CPD: variants seen among roughly 807,000 people sequenced by gnomAD.
CPD encodes carboxypeptidase D.
A neutral mutation model predicts 138.3 loss-of-function variants in CPD; 69 were observed. The observed-to-expected ratio is 0.50, with a 90% CI of 0.41 to 0.61. The LOEUF is 0.61. Ranked by LOEUF, CPD falls within the 20% of genes least tolerant of loss-of-function variation. The pLI, the probability that CPD is intolerant of heterozygous loss-of-function variation, is 0.00. For synonymous variants in CPD, 651 were observed against 642.1 expected, an observed-to-expected ratio of 1.01 and a Z score of -0.21; for missense variants, 1,432 against 1,733.3, an observed-to-expected ratio of 0.83 and a Z score of 3.09.
At chr17:30,462,258 T>C in intron 19 of CPD, 112 bp from the exon 20 acceptor site, 1 of 1,059,116 alleles carries the variant, frequency 9.4e-7, no homozygotes, top group Non-Finnish European at 1.4e-6. Flanking sequence ...TTGTATACTT[T>C]AGATGGCAAT....
chr17:30,399,282 T>C (rs1911589372), intron 2 of CPD, among the ~76,000 whole-genome samples: 1 of 152,148 alleles, frequency 6.6e-6, no homozygotes, highest in African/African-American at 2.4e-5. Flanking sequence ...AAAGCATGTG[T>C]ATTCTGCCAT....
At chr17:30,457,670 T>G (rs2143503356) in intron 17 of CPD, among the ~76,000 whole-genome samples, 1 of 152,212 alleles carries the variant, frequency 6.6e-6, no homozygotes, top group East Asian at 1.9e-4. Context: ...TGCTGGTTTT[T>G]TTTTTTTTAA....
In CPD at chr17:30,420,938, G is replaced by A. The variant is rs777395573; in HGVS notation, c.1092G>A (p.Gln364=). The change falls in exon 3 of 21, where the codon CAG becomes CAA. Residue 364 remains glutamine (Q), a synonymous_variant. Transcript: ENST00000225719. ...CKYPPASQLR[Q]EWENNRESLI... Reference sequence around the variant, plus strand: ...ACCCACCTGCTTCACAGCTTCGACAGGAATGGGAGAACAATCGTGAGTCTT... The same window carrying A: ...ACCCACCTGCTTCACAGCTTCGACAAGAATGGGAGAACAATCGTGAGTCTT... 6.2e-7 allele frequency: 1 copy of A among 1,613,864 alleles called. No individual in the cohort carries two copies. Among genetic ancestry groups the A allele is most frequent in the South Asian group, 1.1e-5 (1 of 91,072 alleles).
rs933550442 is a variant in CPD, at chr17:30,425,782, A to G, written c.1850-1609A>G. On this transcript the variant is annotated intron_variant, in intron 6 of 20. Transcript: ENST00000225719. ...GCTTTAATATAATTTGTCTAATTGG[A>G]ATATTTTTCCTCCCAGATTATGAGC... Among the ~76,000 whole-genome samples the G allele has an allele frequency of 5.9e-5, 9 of 152,286 alleles. No individual in the cohort carries two copies. In the East Asian group the frequency reaches 1.7e-3, roughly 29 times the overall value.
At chr17:30,447,079 T>C (rs1221455344) in intron 12 of CPD, among the ~76,000 whole-genome samples, 4 of 152,214 alleles carry the variant, frequency 2.6e-5, no homozygotes, top group Admixed American at 2.6e-4. Context: ...ATATTAGCCC[T>C]TTGTCAGATG....
At chr17:30,433,221 G>T (rs945384570) in intron 8 of CPD, among the ~76,000 whole-genome samples, 26 of 152,042 alleles carry the variant, frequency 1.7e-4, no homozygotes, top group Non-Finnish European at 1.2e-4. Flanking sequence ...TTTCTGTTTG[G>T]ACATATATGT....
intron 7 of CPD, 103 bp downstream of exon 7, chr17:30,427,661 A>G (rs1384444014): frequency 5.0e-6 from 5 of 995,040 alleles, no homozygotes; most frequent in Non-Finnish European, 7.6e-6. Context: ...TAAAATGAGT[A>G]TCCTGTTACT....
At chr17:30,456,192 G>T in intron 15 of CPD, 64 bp from the exon 16 acceptor site, 1 of 1,316,006 alleles carries the variant, frequency 7.6e-7, no homozygotes, top group Non-Finnish European at 1.1e-6. Flanking sequence ...ATCCATGAAG[G>T]TTAACTTGGG....
chr17:30,385,278 G>A lies in CPD; in HGVS notation c.994+42G>A, dbSNP rs540077484. The A allele has an allele frequency of 2.7e-5, 43 of 1,605,102 alleles. No homozygotes were observed. The East Asian group carries it at 4.5e-4, about 17-fold the overall frequency. On this transcript the variant is annotated intron_variant, in intron 2 of 20. Coordinates refer to ENST00000225719, the MANE Select transcript of CPD (RefSeq NM_001304.5). Reference sequence around the variant, plus strand: ...GTTTGCTACATTTTCCCCCTTGTTCGTTGAATTTTGTTATGTGTATTCTGA... The same window carrying A: ...GTTTGCTACATTTTCCCCCTTGTTCATTGAATTTTGTTATGTGTATTCTGA...
chr17:30,464,733 C>T lies in CPD; in HGVS notation c.4062C>T (p.Gly1354=). 2.5e-6 allele frequency: 4 copies of T among 1,614,010 alleles called. No individual in the cohort carries two copies. The highest frequency in any genetic ancestry group is 1.6e-4 in the Middle Eastern group (1 of 6,062). The change falls in exon 21 of 21, where the codon GGC becomes GGT. Residue 1354 remains glycine (G), a synonymous_variant. Transcript: ENST00000225719. ...ATGAAATTCGCATGATGTCTACCGG[C>T]TCCAAGAAGTCCCTCCTAAGCCATG... ...YEDEIRMMST[G]SKKSLLSHEF... is the part of the protein sequence containing the mutation.
At position 30,385,230 on chromosome 17, in the gene CPD, G is replaced by T. The variant is rs777128176; in HGVS notation, c.988G>T (p.Val330Leu). ...GITNGAHWYD[V>L]EGGMQDYNYV... ...CACAAACGGCGCACATTGGTATGAT[G>T]TGGAAGGTATGCAAAGCATTGAGTT... The change falls in exon 2 of 21, where the codon GTG becomes TTG. Residue 330 changes from valine (V) to leucine (L), a missense_variant. Coordinates refer to ENST00000225719, the MANE Select transcript of CPD (RefSeq NM_001304.5). 1 of 1,613,992 alleles carries T rather than the reference G, an allele frequency of 6.2e-7. No homozygotes were observed.
Position 30,379,102 on chromosome 17 carries a change from C to T in CPD, c.122C>T (p.Thr41Ile), listed in dbSNP as rs534156300. 18 of 1,552,420 alleles carry T rather than the reference C, an allele frequency of 1.2e-5. 1 individual carries two copies. The South Asian group carries it at 1.9e-4, about 16-fold the overall frequency. ...CACATCAAGAAGGCGGAGGCGACTA[C>T]CACAACTACGAGCGCGGGCGCCGAG... ...AAHIKKAEAT[T>I]TTTSAGAEAA... is the part of the protein sequence containing the mutation. Residue 41 changes from threonine to isoleucine, a missense_variant, in exon 1 of 21, where the codon ACC (threonine) becomes ATC (isoleucine). By Grantham distance (89) the Thr-to-Ile change is moderately conservative. Transcript: ENST00000225719. The surrounding 1 kb of genome is among the most constrained non-coding windows in gnomAD (Gnocchi z 7.0).
chr17:30,427,590 C>G (rs369989477), intron 7 of CPD, 32 bp downstream of exon 7: 1 of 1,585,724 alleles, frequency 6.3e-7, no homozygotes, highest in Non-Finnish European at 8.6e-7. Flanking sequence ...CTAATCAGTT[C>G]TTGTTGAGAG....
chr17:30,401,438 T>C (rs1911667481), intron 2 of CPD, among the ~76,000 whole-genome samples: 4 of 150,984 alleles, frequency 2.6e-5, no homozygotes, highest in South Asian at 2.1e-4. Flanking sequence ...CCTCTTCTTC[T>C]TCCTCATCTT....
chr17:30,379,331 C>T lies in CPD; in HGVS notation c.351C>T (p.Ala117=). The part of the protein sequence containing the change: ...IPEGDAGPDA[A]GPDAAGPLLP... ...AGGGCGACGCGGGGCCTGACGCTGC[C>T]GGGCCCGACGCTGCGGGGCCGCTGC... Residue 117 remains alanine, a synonymous_variant, in exon 1 of 21, where the codon GCC becomes GCT. Transcript: ENST00000225719. This position sits in a 1 kb window ranked among gnomAD's most constrained non-coding sequence, Gnocchi z 7.0. 1.3e-6 allele frequency: 2 copies of T among 1,489,634 alleles called. No homozygotes were observed. The highest frequency in any genetic ancestry group is 8.9e-7 in the Non-Finnish European group (1 of 1,127,748). 92.3% of individuals were successfully genotyped at this position (1,489,634 alleles called of 1,614,324 possible). A position where few individuals can be genotyped will look rare whatever the true frequency, so the allele number is the denominator to read the frequency against.
rs1384921563 is a variant in CPD at position 30,431,800 on chromosome 17, T to C, written c.2046T>C (p.Asp682=). 1.2e-6 allele frequency: 2 copies of C among 1,612,754 alleles called. No individual in the cohort carries two copies. Among genetic ancestry groups the C allele is most frequent in the Non-Finnish European group, 1.7e-6 (2 of 1,179,306 alleles). Reference sequence around the variant, plus strand: ...CTTTGGTGGTTAACTACCCTTTTGATGATGATGAACAAGGACTTGCCACAT... The same window carrying C: ...CTTTGGTGGTTAACTACCCTTTTGACGATGATGAACAAGGACTTGCCACAT... The part of the protein sequence containing the change: ...GGSLVVNYPF[D]DDEQGLATYS... The change falls in exon 8 of 21, where the codon GAT becomes GAC. Residue 682 remains aspartate, a synonymous_variant. Transcript: ENST00000225719.
chr17:30,448,429 C>T (rs1207207247), intron 12 of CPD, among the ~76,000 whole-genome samples: 1 of 152,136 alleles, frequency 6.6e-6, no homozygotes, highest in East Asian at 1.9e-4. Flanking sequence ...TTTTAACCTC[C>T]TAATTCAAGA....
chr17:30,438,882 A>G, intron 8 of CPD, 93 bp from the exon 9 acceptor site: 1 of 757,546 alleles, frequency 1.3e-6, no homozygotes. Context: ...ACCCTGTTGG[A>G]AGCCACTTTT....
intron 8 of CPD, among the ~76,000 whole-genome samples, chr17:30,434,849 A>T (rs1400099199): frequency 6.6e-6 from 1 of 152,086 alleles, no homozygotes; most frequent in East Asian, 1.9e-4. Flanking sequence ...ACCGACAGAA[A>T]AGTGTACCAT....
Sources: gnomAD v4.1 joint callset for allele counts (sites outside exome capture counted in the v4.1 genomes callset) on GRCh38, gnomAD v4.1.1 for gene constraint, Gnocchi (gnomAD v3.1) non-coding constraint, MANE v1.5 for transcripts, NCBI Gene and HGNC (gene_info 2026-07-23, HGNC 2026-07-21) for gene names.